STRN: variants seen among roughly 807,000 people sequenced by gnomAD.
STRN encodes the protein striatin, also known as protein phosphatase 2 regulatory subunit B'''alpha.
STRN carries 53 observed loss-of-function variants against 96.3 expected under a neutral mutation model. That is an observed-to-expected ratio of 0.55 (90% CI 0.44 to 0.69). STRN has a LOEUF of 0.69. Ranked by LOEUF, STRN falls within the 30% of genes least tolerant of loss-of-function variation. The pLI is 0.00. For synonymous variants in STRN, 428 were observed against 355.9 expected (o/e 1.20, Z -2.28); for missense variants, 987 against 963.9 (o/e 1.02, Z -0.32).
At chr2:36,886,895 T>C in intron 7 of STRN, 69 bp from the exon 8 acceptor site, 1 of 1,241,918 alleles carries the variant, frequency 8.1e-7, no homozygotes. Context: ...TCAGTATGTC[T>C]GAATGACGTA....
At chr2:36,927,534 G>GGC (rs1553402936) in intron 1 of STRN, among the ~76,000 whole-genome samples, 2 of 143,724 alleles carry the variant, frequency 1.4e-5, no homozygotes, top group East Asian at 4.5e-4. Flanking sequence ...AGGGGGGGGG[G>GGC]GGTGGTAATC....
chr2:36,966,375 G>C lies in STRN; in HGVS notation c.89C>G (p.Ala30Gly). 6.8e-7 allele frequency: 1 copy of C among 1,464,400 alleles called. No homozygotes were observed. Among genetic ancestry groups the C allele is most frequent in the Middle Eastern group, 2.4e-4 (1 of 4,154 alleles). The allele number at this position is 1,464,400 out of a possible 1,614,324, so 90.7% of individuals were successfully genotyped here. A position where few individuals can be genotyped will look rare whatever the true frequency, so the allele number is the denominator to read the frequency against. ...GAKGLGPLAE[A>G]AAAGDGAAAA... is the part of the protein sequence containing the mutation. ...AGCCGCCCCGTCGCCGGCCGCGGCA[G>C]CCTCCGCCAGAGGCCCGAGCCCCTT... The change falls in exon 1 of 18, where the codon GCT (alanine) becomes GGT (glycine). Residue 30 changes from alanine (A) to glycine (G), a missense_variant. Ala to Gly is a moderately conservative substitution (Grantham distance 60). Transcript: ENST00000263918.
At chr2:36,884,159 T>A (rs1331263292) in intron 8 of STRN, 84 bp from the exon 9 acceptor site, 2 of 1,173,798 alleles carry the variant, frequency 1.7e-6, no homozygotes, top group Non-Finnish European at 2.2e-6. Flanking sequence ...TTATAAGCCT[T>A]ATTTTCCATC....
rs370366318 is a variant in STRN at position 36,944,030 on chromosome 2, G to A, written c.235-18822C>T. ...AGCTACTTGGGAGGCTGGGGCAGGA[G>A]AATTGCTTGAACTCAGGAGGCAGAG... On this transcript the variant is annotated intron_variant, in intron 1 of 17. Transcript: ENST00000263918. Among the ~76,000 whole-genome samples the A allele has an allele frequency of 4.6e-5, 7 of 152,228 alleles. No individual in the cohort carries two copies. In the East Asian group the frequency reaches 1.2e-3, roughly 25 times the overall value.
At chr2:36,902,906 C>G in intron 4 of STRN, 155 bp from the exon 5 acceptor site, 1 of 505,550 alleles carries the variant, frequency 2.0e-6, no homozygotes, top group Non-Finnish European at 3.2e-6. Flanking sequence ...AATCTTCCAG[C>G]TGCAGATGGA....
chr2:36,894,047 A>G lies in STRN; in HGVS notation c.796-14T>C. 1 of 1,605,102 alleles carries G rather than the reference A, an allele frequency of 6.2e-7. No individual in the cohort carries two copies. Among genetic ancestry groups the G allele is most frequent in the Non-Finnish European group, 8.5e-7 (1 of 1,177,898 alleles). On this transcript the variant is annotated splice_polypyrimidine_tract_variant and intron_variant, in intron 6 of 17. Coordinates refer to ENST00000263918, the MANE Select transcript of STRN (RefSeq NM_003162.4). ...TTTCCTAACAATCTAATGAAAAAAC[A>G]TGCTAAATTAAATAAAGGAGATAGT...
rs1665165331 is a variant in STRN at position 36,966,395 on chromosome 2, C to A, written c.69G>T (p.Gly23=). The A allele has an allele frequency of 2.8e-6, 4 of 1,453,300 alleles. No individual in the cohort carries two copies. The highest frequency in any genetic ancestry group is 3.6e-6 in the Non-Finnish European group (4 of 1,104,040). 90.0% of individuals were successfully genotyped at this position (1,453,300 alleles called of 1,614,324 possible). Residue 23 remains glycine (G), a synonymous_variant, in exon 1 of 18, where the codon GGG becomes GGT. Coordinates refer to ENST00000263918, the MANE Select transcript of STRN (RefSeq NM_003162.4). ...CGGCAGCCTCCGCCAGAGGCCCGAG[C>A]CCCTTGGCACCGCCGGCGCCCGGGT... ...NNHPGAGGAK[G]LGPLAEAAAA...
chr2:36,891,091 T>C (rs1004235886), intron 7 of STRN, among the ~76,000 whole-genome samples: 4 of 152,236 alleles, frequency 2.6e-5, no homozygotes, highest in Admixed American at 2.6e-4. Flanking sequence ...CTCCAATGCG[T>C]ATTTTCTTTA....
At chr2:36,862,836 G>A (rs559732571) in intron 12 of STRN, among the ~76,000 whole-genome samples, 1 of 151,564 alleles carries the variant, frequency 6.6e-6, no homozygotes, top group East Asian at 1.9e-4. Context: ...CCGGGTTCAC[G>A]CCGTTCTCCT....
In STRN at chr2:36,849,424, A is replaced by C. The variant is rs753020881; in HGVS notation, c.*32T>G. On this transcript the variant is annotated 3_prime_UTR_variant, in exon 18 of 18. Coordinates refer to ENST00000263918, the MANE Select transcript of STRN (RefSeq NM_003162.4). ...CTCTTGTGTGCAGTTGATTACTTAT[A>C]AACAGCTAGAAGGTGAAGATGATGC... 1 of 1,610,452 alleles carries C rather than the reference A, an allele frequency of 6.2e-7. No homozygotes were observed. Among genetic ancestry groups the C allele is most frequent in the Non-Finnish European group, 8.5e-7 (1 of 1,177,976 alleles).
Position 36,845,202 on chromosome 2 carries a change from GATTC to G in STRN, c.*4250_*4253del, listed in dbSNP as rs373274360. On this transcript the variant is annotated 3_prime_UTR_variant, in exon 18 of 18. Coordinates refer to ENST00000263918, the MANE Select transcript of STRN (RefSeq NM_003162.4). ...ATCACACAGACAGACACCAACCAAA[GATTC>G]ATTATCTCCACTCGCTAAAAACATT... 1.8e-4 allele frequency: 27 copies of G among 152,172 alleles called. No homozygotes were observed. Among genetic ancestry groups the G allele is most frequent in the African/African-American group, 6.3e-4 (26 of 41,528 alleles). The allele number at this position is 152,172 out of a possible 1,614,324, so 9.4% of individuals were successfully genotyped here.
chr2:36,851,981 C>T (rs1344832501), intron 15 of STRN, among the ~76,000 whole-genome samples: 1 of 152,142 alleles, frequency 6.6e-6, no homozygotes, highest in African/African-American at 2.4e-5. Context: ...TTCAATTATA[C>T]ACACAATGAG....
Position 36,883,934 on chromosome 2 carries a change from T to A in STRN, c.1184A>T (p.Glu395Val). ...TCCAGAGTATCTTAAATACTTACCT[T>A]CATCTGCCCTATTAATTTCATGTTC... ...LPEHEINRAD[E>V]VEALTFPPSS... The change falls in exon 9 of 18, where the codon GAA becomes GTA. Residue 395 changes from glutamate (E) to valine (V), a missense_variant and splice_region_variant. Glu to Val is a moderately radical substitution (Grantham distance 121). Coordinates refer to ENST00000263918, the MANE Select transcript of STRN (RefSeq NM_003162.4). The A allele has an allele frequency of 7.3e-7, 1 of 1,372,844 alleles. No individual in the cohort carries two copies. The highest frequency in any genetic ancestry group is 9.5e-7 in the Non-Finnish European group (1 of 1,055,882). 85.0% of individuals were successfully genotyped at this position (1,372,844 alleles called of 1,614,324 possible).
chr2:36,849,939 A>G, intron 16 of STRN, 139 bp from the exon 17 acceptor site: 1 of 773,876 alleles, frequency 1.3e-6, no homozygotes, highest in Non-Finnish European at 2.1e-6. Context: ...ATCACCTAAA[A>G]CAACATGTCT....
At chr2:36,881,412 G>A (rs529734388) in intron 9 of STRN, among the ~76,000 whole-genome samples, 1 of 152,202 alleles carries the variant, frequency 6.6e-6, no homozygotes, top group East Asian at 1.9e-4. Context: ...ACAGGCGTGA[G>A]CAACTAAACT....
In STRN at chr2:36,875,717, C is replaced by T. The variant is rs528209627; in HGVS notation, c.1323+2174G>A. On this transcript the variant is annotated intron_variant, in intron 10 of 17. Transcript: ENST00000263918. ...TATCGCCCGCGCTGGAGTGCGGTGG[C>T]GCAATCTCGGCTCACTGCAAACTCT... is the stretch of plus-strand genomic sequence containing the variant. Among the ~76,000 whole-genome samples, 7 of 147,528 alleles carry T rather than the reference C, an allele frequency of 4.7e-5. No individual in the cohort carries two copies. In the East Asian group the frequency reaches 6.0e-4, roughly 13 times the overall value.
intron 13 of STRN, 35 bp downstream of exon 13, chr2:36,861,097 A>G: frequency 1.2e-6 from 2 of 1,603,798 alleles, no homozygotes; most frequent in Non-Finnish European, 1.7e-6. Context: ...TAAAAAACCA[A>G]TTTTATTCCT....
intron 13 of STRN, among the ~76,000 whole-genome samples, chr2:36,860,491 A>C (rs1177796244): frequency 6.6e-6 from 1 of 152,228 alleles, no homozygotes; most frequent in African/African-American, 2.4e-5. Context: ...TGATGATGAA[A>C]TTAAAATGCT....
chr2:36,849,432 A>G lies in STRN; in HGVS notation c.*24T>C, dbSNP rs1558619712. The G allele has an allele frequency of 3.1e-6, 5 of 1,612,486 alleles. No homozygotes were observed. Among genetic ancestry groups the G allele is most frequent in the Non-Finnish European group, 4.2e-6 (5 of 1,179,074 alleles). ...TGCAGTTGATTACTTATAAACAGCT[A>G]GAAGGTGAAGATGATGCATTGCGTC... On this transcript the variant is annotated 3_prime_UTR_variant, in exon 18 of 18. Coordinates refer to ENST00000263918, the MANE Select transcript of STRN (RefSeq NM_003162.4).
Sources: allele counts gnomAD v4.1 joint callset (sites outside exome capture counted in the v4.1 genomes callset), GRCh38; gene constraint gnomAD v4.1.1; transcripts MANE v1.5; gene names NCBI Gene and HGNC (gene_info 2026-07-23, HGNC 2026-07-21).